ZNF333: variants seen among roughly 807,000 people sequenced by gnomAD.
ZNF333 encodes zinc finger protein 333.
ZNF333 carries 61 observed loss-of-function variants against 76.1 expected under a neutral mutation model. That is an observed-to-expected ratio of 0.80 (90% CI 0.65 to 0.99). The LOEUF (loss-of-function observed/expected upper bound fraction) is 0.99. Among genes scored for constraint, ZNF333 ranks in the 50% least tolerant of loss-of-function variants. The pLI, the probability that ZNF333 is intolerant of heterozygous loss-of-function variation, is 0.00. For synonymous variants in ZNF333, 284 were observed against 305.0 expected (o/e 0.93, Z 0.72); for missense variants, 717 against 822.4 (o/e 0.87, Z 1.57).
rs1042203156 is a variant in ZNF333 at position 14,720,836 on chromosome 19, A to G, written c.*1511A>G. On this transcript the variant is annotated 3_prime_UTR_variant, in exon 12 of 12. Transcript: ENST00000292530. ...GAGAGGTATGTTAAACTCTCCCACC[A>G]TGATTATGTATTGCTGAAAAATCTT... is the stretch of plus-strand genomic sequence containing the variant. The G allele has an allele frequency of 4.2e-5, 41 of 973,122 alleles. No individual in the cohort carries two copies. The highest frequency in any genetic ancestry group is 7.0e-5 in the African/African-American group (4 of 56,982). The allele number at this position is 973,122 out of a possible 1,614,324, so 60.3% of individuals were successfully genotyped here. A position where few individuals can be genotyped will look rare whatever the true frequency, so the allele number is the denominator to read the frequency against.
intron 11 of ZNF333, among the ~76,000 whole-genome samples, chr19:14,728,907 C>T (rs550163925): frequency 6.6e-6 from 1 of 152,290 alleles, no homozygotes; most frequent in East Asian, 1.9e-4. Flanking sequence ...ATGTCCTTCC[C>T]CCATGGGCTG....
Position 14,706,843 on chromosome 19 carries a change from T to C in ZNF333, c.511+70T>C, listed in dbSNP as rs912875919. ...TCCTTGTGTTCTGTCCAGGAACTTG[T>C]ATCCTATCCTGCCTGCATTTCCTCT... On this transcript the variant is annotated intron_variant, in intron 7 of 11. Transcript: ENST00000292530. 3 of 1,340,268 alleles carry C rather than the reference T, an allele frequency of 2.2e-6. No homozygotes were observed. The African/African-American group carries it at 4.4e-5, about 20-fold the overall frequency. The allele number at this position is 1,340,268 out of a possible 1,614,324, so 83.0% of individuals were successfully genotyped here.
At chr19:14,703,553 G>C (rs2042024583) in intron 5 of ZNF333, among the ~76,000 whole-genome samples, 1 of 152,156 alleles carries the variant, frequency 6.6e-6, no homozygotes, top group Non-Finnish European at 1.5e-5. Context: ...GGAAAATTTT[G>C]ATTACTTGTA....
rs1228787744 is a variant in ZNF333 at position 14,695,137 on chromosome 19, A to T, written c.127+4A>T. 3 of 1,612,388 alleles carry T rather than the reference A, an allele frequency of 1.9e-6. No homozygotes were observed. In the African/African-American group the frequency reaches 4.0e-5, roughly 22 times the overall value. On this transcript the variant is annotated splice_donor_region_variant and intron_variant, in intron 3 of 11. Transcript: ENST00000292530. ...TGCAGGACCCTGGCCTCCAGGGGTA[A>T]GGCTGGCGTCACCTGGCTCCTTCCT...
In ZNF333 at chr19:14,718,577, C is replaced by T. The variant is rs757922553; in HGVS notation, c.1250C>T (p.Thr417Ile). Residue 417 changes from threonine (T) to isoleucine (I), a missense_variant, in exon 12 of 12, where the codon ACC becomes ATC. Physicochemically the swap from Thr to Ile is moderately conservative, Grantham distance 89. Transcript: ENST00000292530. ...CTCCGGCGACACATGAGAACCCATACCGGAGAGAAGCCATTTGAATGTAGT... is the reference window on the plus strand; with the variant it reads ...CTCCGGCGACACATGAGAACCCATATCGGAGAGAAGCCATTTGAATGTAGT... ...SNLRRHMRTH[T>I]GEKPFECSQC... The T allele has an allele frequency of 1.2e-6, 2 of 1,614,084 alleles. No homozygotes were observed. The highest frequency in any genetic ancestry group is 1.1e-5 in the South Asian group (1 of 91,080).
intron 9 of ZNF333, 86 bp downstream of exon 9, chr19:14,716,324 C>T: frequency 6.8e-7 from 1 of 1,468,604 alleles, no homozygotes; most frequent in South Asian, 1.4e-5. Context: ...GATGGCGTGA[C>T]CTTGGCTCAC....
chr19:14,729,228 T>G (rs1243362708), intron 11 of ZNF333, among the ~76,000 whole-genome samples: 2 of 152,216 alleles, frequency 1.3e-5, no homozygotes, highest in African/African-American at 4.8e-5. Context: ...GTTTCTCAAC[T>G]GTGACCTTAT....
In ZNF333 at chr19:14,718,262, A is replaced by G. The variant is rs749937149; in HGVS notation, c.935A>G (p.Tyr312Cys). ...QPQPGEKLYK[Y>C]NELEKPFNSI... ...CAGCCTGGAGAAAAACTCTATAAAT[A>G]TAATGAACTTGAGAAACCTTTTAAC... Residue 312 changes from tyrosine to cysteine, a missense_variant, in exon 12 of 12, where the codon TAT becomes TGT. Transcript: ENST00000292530. 1.9e-6 allele frequency: 3 copies of G among 1,613,368 alleles called. No individual in the cohort carries two copies. Among genetic ancestry groups the G allele is most frequent in the South Asian group, 2.2e-5 (2 of 90,946 alleles).
downstream of ZNF333, among the ~76,000 whole-genome samples, chr19:14,725,580 A>G (rs1005319736): frequency 6.6e-6 from 1 of 152,236 alleles, no homozygotes; most frequent in Non-Finnish European, 1.5e-5. Flanking sequence ...AGATGGTGGT[A>G]TGGGCACTGG....
rs1599690937 is a variant in ZNF333, at chr19:14,696,634, A to G, written c.223+973A>G. ...GACGAGATCATGTTGCAAGAGAACAAGAGAGGCCCAGACTGGTTTTTACAG... is the reference window on the plus strand; with the variant it reads ...GACGAGATCATGTTGCAAGAGAACAGGAGAGGCCCAGACTGGTTTTTACAG... On this transcript the variant is annotated intron_variant, in intron 4 of 11. Transcript: ENST00000292530. Among the ~76,000 whole-genome samples the G allele has an allele frequency of 3.3e-5, 5 of 152,134 alleles. 1 individual carries two copies. Among genetic ancestry groups the G allele is most frequent in the Admixed American group, 3.3e-4 (5 of 15,280 alleles).
intron 10 of ZNF333, chr19:14,717,430 T>A: frequency 1.8e-6 from 1 of 563,454 alleles, no homozygotes; most frequent in Non-Finnish European, 3.2e-6. Context: ...AATTACCTAC[T>A]ATTTCCTTCC....
At chr19:14,704,055 C>G (rs2146975394) in intron 5 of ZNF333, among the ~76,000 whole-genome samples, 1 of 152,314 alleles carries the variant, frequency 6.6e-6, no homozygotes, top group South Asian at 2.1e-4. Flanking sequence ...GGACTCTCTC[C>G]TTGGCTTGCA....
downstream of ZNF333, among the ~76,000 whole-genome samples, chr19:14,722,649 G>T (rs1469391853): frequency 2.0e-5 from 3 of 152,036 alleles, no homozygotes; most frequent in African/African-American, 7.2e-5. Flanking sequence ...GTTTTCTTTA[G>T]ATGTCATATC....
chr19:14,709,429 C>T (rs1163820412), intron 7 of ZNF333, among the ~76,000 whole-genome samples: 1 of 152,210 alleles, frequency 6.6e-6, no homozygotes. Context: ...GGGGTTAAGA[C>T]TTCAAGATAT....
downstream of ZNF333, among the ~76,000 whole-genome samples, chr19:14,726,831 T>C (rs1361041752): frequency 2.6e-5 from 4 of 152,138 alleles, no homozygotes; most frequent in Admixed American, 6.6e-5. Context: ...CACAACCCTT[T>C]AACCAGTCTC....
chr19:14,714,437 G>A (rs889615838), intron 7 of ZNF333, among the ~76,000 whole-genome samples: 8 of 152,114 alleles, frequency 5.3e-5, no homozygotes, highest in Admixed American at 2.6e-4. Flanking sequence ...GTCGATGGCC[G>A]CCACCAGAAG....
rs759815541 is a variant in ZNF333 at position 14,704,486 on chromosome 19, C to G, written c.307-568C>G. ...TTTTAGTAGAGATGGGTGTATTAGT[C>G]TGTGTTCACACTGCTGATAAAGACA... On this transcript the variant is annotated intron_variant, in intron 5 of 11. Coordinates refer to ENST00000292530, the MANE Select transcript of ZNF333 (RefSeq NM_032433.4). Among the ~76,000 whole-genome samples, 103 of 152,076 alleles carry G rather than the reference C, an allele frequency of 6.8e-4. 4 individuals are homozygous for G. The highest frequency in any genetic ancestry group is 6.2e-4 in the Non-Finnish European group (42 of 68,020).
intron 10 of ZNF333, chr19:14,717,425 C>G: frequency 1.8e-6 from 1 of 555,442 alleles, no homozygotes; most frequent in Non-Finnish European, 3.2e-6. Flanking sequence ...TGGTAAATTA[C>G]CTACTATTTC....
At position 14,695,126 on chromosome 19, in the gene ZNF333, C is replaced by G; in HGVS notation, c.120C>G (p.Ala40=). The change falls in exon 3 of 12, where the codon GCC becomes GCG. Residue 40 remains alanine (A), a synonymous_variant. Transcript: ENST00000292530. ...TGCTTGACCAGTGCAGGACCCTGGC[C>G]TCCAGGGGTAAGGCTGGCGTCACCT... The part of the protein sequence containing the change: ...YRMLDQCRTL[A]SRGTPPCKPS... 1 of 1,613,504 alleles carries G rather than the reference C, an allele frequency of 6.2e-7. No individual in the cohort carries two copies. The highest frequency in any genetic ancestry group is 1.1e-5 in the South Asian group (1 of 91,070).
Sources: allele counts gnomAD v4.1 joint callset (sites outside exome capture counted in the v4.1 genomes callset), GRCh38; gene constraint gnomAD v4.1.1; transcripts MANE v1.5; gene names NCBI Gene and HGNC (gene_info 2026-07-23, HGNC 2026-07-21).